The following FAM171A1 variants were observed in gnomAD, a reference collection of about 807,000 sequenced individuals.
The protein encoded by FAM171A1 is family with sequence similarity 171 member A1.
A neutral mutation model predicts 74.9 loss-of-function variants in FAM171A1; 23 were observed. The ratio of observed to expected loss-of-function variants is 0.31; its 90% confidence interval spans 0.22 to 0.44. The LOEUF (loss-of-function observed/expected upper bound fraction) is 0.44, where lower values mean the gene tolerates loss of function less well. FAM171A1 is among the 20% of genes least tolerant of loss of function. The probability of loss-of-function intolerance (pLI) is 1.00; values close to 1 mark genes in which losing one functional copy is unlikely to be tolerated. For missense variants in FAM171A1, 1,162 were observed against 1,159.2 expected (o/e 1.00, Z -0.03); for synonymous variants, 527 against 505.7 (o/e 1.04, Z -0.57).
At chr10:15,324,456 G>A (rs181992896) in intron 1 of FAM171A1, among the ~76,000 whole-genome samples, 129 of 152,150 alleles carry the variant, frequency 8.5e-4, no homozygotes, top group African/African-American at 3.1e-3. Flanking sequence ...ATAACGTATC[G>A]TGAATATTCC....
chr10:15,306,939 C>A (rs1478451629), intron 1 of FAM171A1, among the ~76,000 whole-genome samples: 2 of 152,196 alleles, frequency 1.3e-5, no homozygotes, highest in African/African-American at 4.8e-5. Context: ...CTTTCCATCA[C>A]GCCATGTGCC....
chr10:15,304,404 C>T (rs996705156), intron 1 of FAM171A1, among the ~76,000 whole-genome samples: 7 of 152,108 alleles, frequency 4.6e-5, no homozygotes, highest in African/African-American at 1.7e-4. Flanking sequence ...AGCCACATCC[C>T]CTAGGGGCTC....
At chr10:15,315,845 G>A (rs555367475) in intron 1 of FAM171A1, among the ~76,000 whole-genome samples, 7 of 152,086 alleles carry the variant, frequency 4.6e-5, no homozygotes, top group African/African-American at 1.4e-4. Flanking sequence ...CCTTGCCCTC[G>A]CCCCCTGACT....
chr10:15,295,368 A>G (rs1331075427), intron 1 of FAM171A1, among the ~76,000 whole-genome samples: 1 of 152,224 alleles, frequency 6.6e-6, no homozygotes, highest in East Asian at 1.9e-4. Flanking sequence ...TCCAAAACAT[A>G]AAATCTTTTA....
intron 1 of FAM171A1, among the ~76,000 whole-genome samples, chr10:15,296,919 G>A (rs1955341): frequency 0.69 from 105,162 of 152,094 alleles, 36,580 homozygotes; most frequent in East Asian, 0.92. Context: ...GTTAAACCTC[G>A]TGAAAAGGCA....
chr10:15,284,614 A>G (rs1199171033), intron 1 of FAM171A1, among the ~76,000 whole-genome samples: 1 of 152,094 alleles, frequency 6.6e-6, no homozygotes, highest in East Asian at 1.9e-4. Context: ...GGGTTTTGCC[A>G]TGTTGCAAAG....
At chr10:15,296,703 C>T (rs576979599) in intron 1 of FAM171A1, among the ~76,000 whole-genome samples, 14 of 150,880 alleles carry the variant, frequency 9.3e-5, no homozygotes, top group East Asian at 7.7e-4. Context: ...TATGGATCTG[C>T]GGCCCCAGTG....
intron 5 of FAM171A1, among the ~76,000 whole-genome samples, chr10:15,230,464 G>C (rs45557231): frequency 0.012 from 1,887 of 152,298 alleles, 19 homozygotes; most frequent in Non-Finnish European, 0.021. Context: ...TTCAGGACTG[G>C]TTTAAACAAG....
intron 7 of FAM171A1, among the ~76,000 whole-genome samples, chr10:15,215,650 G>C (rs986709081): frequency 2.0e-5 from 3 of 152,180 alleles, no homozygotes; most frequent in Non-Finnish European, 2.9e-5. Flanking sequence ...ACAGGTGTGA[G>C]CCAACGTCCC....
At chr10:15,339,993 G>T (rs1835747676) in intron 1 of FAM171A1, among the ~76,000 whole-genome samples, 1 of 152,110 alleles carries the variant, frequency 6.6e-6, no homozygotes. Context: ...ACAGCATGGG[G>T]GAAAAGCCCC....
chr10:15,305,913 C>CT (rs1835289084), intron 1 of FAM171A1, among the ~76,000 whole-genome samples: 2 of 152,164 alleles, frequency 1.3e-5, no homozygotes, highest in South Asian at 4.1e-4. Context: ...AGGAGGAAGA[C>CT]TAACGCCAAA....
At chr10:15,335,122 T>C (rs1363632263) in intron 1 of FAM171A1, among the ~76,000 whole-genome samples, 2 of 152,200 alleles carry the variant, frequency 1.3e-5, no homozygotes, top group Admixed American at 6.5e-5. Context: ...CTTACCTATG[T>C]AGTCTCAGCT....
chr10:15,294,050 G>A (rs1835132890), intron 1 of FAM171A1, among the ~76,000 whole-genome samples: 1 of 152,194 alleles, frequency 6.6e-6, no homozygotes, highest in Admixed American at 6.5e-5. Context: ...TGGCCAAAGG[G>A]ACCGCAGAGG....
At position 15,235,301 on chromosome 10, in the gene FAM171A1, CAAAAAAAA is replaced by C. The variant is rs1193195866; in HGVS notation, c.754+13330_754+13337del. 1.8e-4 allele frequency among the ~76,000 whole-genome samples: 8 copies of C among 44,562 alleles called. No individual in the cohort carries two copies. The South Asian group carries it at 6.3e-3, about 35-fold the overall frequency. 29.2% of individuals were successfully genotyped at this position (44,562 alleles called of 152,430 possible). ...TGGGAGACAGAGCGAGACTCTGTCT[CAAAAAAAA>C]AAAAAAAAAAAAAAAAAAAACCTCT... On this transcript the variant is annotated intron_variant, in intron 5 of 7. Coordinates refer to ENST00000378116, the MANE Select transcript of FAM171A1 (RefSeq NM_001010924.2).
chr10:15,224,421 C>G (rs2131719720), intron 5 of FAM171A1, among the ~76,000 whole-genome samples: 1 of 152,130 alleles, frequency 6.6e-6, no homozygotes, highest in East Asian at 1.9e-4. Flanking sequence ...ACATGGGGGA[C>G]CTGGAAACGG....
chr10:15,274,658 A>C (rs1834869657), intron 3 of FAM171A1, among the ~76,000 whole-genome samples: 1 of 152,230 alleles, frequency 6.6e-6, no homozygotes, highest in Non-Finnish European at 1.5e-5. Context: ...ACAGTAACCA[A>C]AACAGCATGG....
intron 6 of FAM171A1, among the ~76,000 whole-genome samples, chr10:15,217,617 G>C (rs1833983077): frequency 6.6e-6 from 1 of 152,026 alleles, no homozygotes; most frequent in Non-Finnish European, 1.5e-5. Context: ...ATTAGATACT[G>C]GCTTACTTGT....
chr10:15,287,287 T>C (rs1209736400), intron 1 of FAM171A1, among the ~76,000 whole-genome samples: 7 of 151,620 alleles, frequency 4.6e-5, no homozygotes, highest in African/African-American at 1.7e-4. Flanking sequence ...AGAGACAGGG[T>C]TTCACCGTGT....
intron 3 of FAM171A1, 56 bp from the exon 4 acceptor site, chr10:15,254,935 A>T: frequency 6.4e-7 from 1 of 1,565,544 alleles, no homozygotes; most frequent in Non-Finnish European, 8.7e-7. Flanking sequence ...GTTTTTAGAA[A>T]ATGCAAAACC....
Sources: gnomAD v4.1 joint callset for allele counts (sites outside exome capture counted in the v4.1 genomes callset) on GRCh38, gnomAD v4.1.1 for gene constraint, MANE v1.5 for transcripts, NCBI Gene and HGNC (gene_info 2026-07-23, HGNC 2026-07-21) for gene names.